The following DGKB variants were observed in gnomAD, a reference collection of about 807,000 sequenced individuals.
DGKB encodes 90 kDa diacylglycerol kinase.
A neutral mutation model predicts 114.3 loss-of-function variants in DGKB; 67 were observed. That is an observed-to-expected ratio of 0.59 (90% CI 0.48 to 0.72). DGKB has a LOEUF of 0.72. Among genes scored for constraint, DGKB ranks in the 30% least tolerant of loss-of-function variants. The probability of loss-of-function intolerance (pLI) is 0.00; values close to 1 mark genes in which losing one functional copy is unlikely to be tolerated. For missense variants in DGKB, 907 were observed against 975.2 expected, an observed-to-expected ratio of 0.93 and a Z score of 0.93; for synonymous variants, 398 against 323.1, an observed-to-expected ratio of 1.23 and a Z score of -2.49.
chr7:14,274,808 C>T (rs866508349), intron 23 of DGKB, among the ~76,000 whole-genome samples: 7 of 151,800 alleles, frequency 4.6e-5, no homozygotes, highest in African/African-American at 7.3e-5. Context: ...GCACTAATCC[C>T]GTCATAGAGG....
intron 20 of DGKB, among the ~76,000 whole-genome samples, chr7:14,485,012 A>T (rs1276716194): frequency 3.3e-5 from 5 of 151,762 alleles, no homozygotes; most frequent in Non-Finnish European, 7.4e-5. Context: ...ACAATGGCAA[A>T]AGTAATTATA....
intron 25 of DGKB, among the ~76,000 whole-genome samples, chr7:14,151,968 T>G (rs925974974): frequency 1.3e-5 from 2 of 151,970 alleles, no homozygotes; most frequent in African/African-American, 2.4e-5. Flanking sequence ...AAATTCCAGG[T>G]GTAGGCTCTA....
intron 2 of DGKB, among the ~76,000 whole-genome samples, chr7:14,823,100 T>C (rs1181575423): frequency 6.6e-6 from 1 of 151,784 alleles, no homozygotes; most frequent in Non-Finnish European, 1.5e-5. Flanking sequence ...GAGTCTCAGA[T>C]ATCTTTGTAT....
At chr7:14,973,845 A>C (rs1030596163) in intron 1 of DGKB, among the ~76,000 whole-genome samples, 6 of 148,126 alleles carry the variant, frequency 4.1e-5, no homozygotes, top group African/African-American at 1.2e-4. Flanking sequence ...AAATAAATCT[A>C]AAATATATTA....
At chr7:14,871,798 T>C (rs753429820) in intron 1 of DGKB, among the ~76,000 whole-genome samples, 1 of 152,202 alleles carries the variant, frequency 6.6e-6, no homozygotes. Context: ...GATTGCTATA[T>C]ATGGGGAGGT....
At chr7:14,858,109 G>A (rs960332677) in intron 1 of DGKB, among the ~76,000 whole-genome samples, 2 of 152,066 alleles carry the variant, frequency 1.3e-5, no homozygotes, top group Admixed American at 6.6e-5. Flanking sequence ...AGTGAGGAAC[G>A]GGTATTTGAT....
At chr7:14,877,621 A>G (rs1176938874) in intron 1 of DGKB, among the ~76,000 whole-genome samples, 2 of 152,210 alleles carry the variant, frequency 1.3e-5, no homozygotes, top group African/African-American at 4.8e-5. Context: ...CTGGCATTGC[A>G]TTTCCATCAC....
At chr7:14,621,274 A>T in intron 15 of DGKB, 104 bp downstream of exon 15, 1 of 680,804 alleles carries the variant, frequency 1.5e-6, no homozygotes, top group Non-Finnish European at 2.6e-6. Context: ...TACTAAGCTA[A>T]TATGCAGATT....
chr7:14,629,535 T>G (rs181029585), intron 14 of DGKB, among the ~76,000 whole-genome samples: 1 of 152,246 alleles, frequency 6.6e-6, no homozygotes, highest in Admixed American at 6.5e-5. Context: ...AAGCAGATTT[T>G]AATTACAATT....
chr7:14,963,313 T>G (rs1296546368), intron 1 of DGKB, among the ~76,000 whole-genome samples: 3 of 152,118 alleles, frequency 2.0e-5, no homozygotes, highest in Non-Finnish European at 4.4e-5. Context: ...CAAAATGTAC[T>G]TTTCATTGTC....
intron 1 of DGKB, among the ~76,000 whole-genome samples, chr7:14,845,401 A>G (rs911694104): frequency 2.0e-5 from 3 of 152,258 alleles, no homozygotes; most frequent in African/African-American, 7.2e-5. Context: ...ACACACTACA[A>G]TTAGGGGAAA....
chr7:14,165,341 G>A (rs558399467), intron 25 of DGKB, among the ~76,000 whole-genome samples: 1 of 152,216 alleles, frequency 6.6e-6, no homozygotes, highest in African/African-American at 2.4e-5. Context: ...GAGTGGTAAG[G>A]TTGTACAACT....
intron 20 of DGKB, among the ~76,000 whole-genome samples, chr7:14,522,258 G>T (rs533074897): frequency 2.0e-5 from 3 of 152,144 alleles, no homozygotes; most frequent in Non-Finnish European, 4.4e-5. Context: ...TGTCGCACAT[G>T]CATAGATAGG....
chr7:14,772,097 T>G (rs780639320), intron 2 of DGKB, among the ~76,000 whole-genome samples: 28 of 152,142 alleles, frequency 1.8e-4, no homozygotes, highest in Admixed American at 8.5e-4. Context: ...ACCAATGTAT[T>G]TCTTAAATGT....
intron 21 of DGKB, among the ~76,000 whole-genome samples, chr7:14,476,353 T>C (rs1782170022): frequency 6.6e-6 from 1 of 152,136 alleles, no homozygotes; most frequent in Admixed American, 6.5e-5. Context: ...ATGTGTTTCA[T>C]GAACTGAAAC....
intron 23 of DGKB, among the ~76,000 whole-genome samples, chr7:14,241,109 G>A (rs991853755): frequency 1.3e-5 from 2 of 152,122 alleles, no homozygotes; most frequent in African/African-American, 4.8e-5. Context: ...GCCTTTCAGA[G>A]CAACTATAAA....
At chr7:14,966,735 T>C in intron 1 of DGKB, among the ~76,000 whole-genome samples, 1 of 152,280 alleles carries the variant, frequency 6.6e-6, no homozygotes, top group East Asian at 1.9e-4. Flanking sequence ...CCTCAGGCAA[T>C]CTAATTAATT....
At chr7:14,211,539 CTCA>C (rs1787914242) in intron 23 of DGKB, among the ~76,000 whole-genome samples, 1 of 13,914 alleles carries the variant, frequency 7.2e-5, no homozygotes, top group Non-Finnish European at 1.1e-4. Context: ...TGATTTTACT[CTCA>C]TGTTTTGTGA....
intron 13 of DGKB, among the ~76,000 whole-genome samples, chr7:14,652,310 T>G (rs374584206): frequency 6.6e-6 from 1 of 152,070 alleles, no homozygotes. Context: ...AGATATAGAT[T>G]AATGGAACAG....
Sources: allele counts gnomAD v4.1 joint callset (sites outside exome capture counted in the v4.1 genomes callset), GRCh38; gene constraint gnomAD v4.1.1; transcripts MANE v1.5; gene names NCBI Gene and HGNC (gene_info 2026-07-23, HGNC 2026-07-21).